The following MICAL3 variants were observed in gnomAD, a reference collection of about 807,000 sequenced individuals.
MICAL3 encodes [F-actin]-monooxygenase MICAL3.
Under a neutral mutation model 207.4 loss-of-function variants are expected in MICAL3, and 62 were observed. The observed-to-expected ratio is 0.30, with a 90% CI of 0.24 to 0.37. The LOEUF (loss-of-function observed/expected upper bound fraction) is 0.37. Among genes scored for constraint, MICAL3 ranks in the 10% least tolerant of loss-of-function variants. The pLI, the probability that MICAL3 is intolerant of heterozygous loss-of-function variation, is 1.00. For missense variants in MICAL3, 2,368 were observed against 2,635.6 expected (o/e 0.90, Z 2.22); for synonymous variants, 1,077 against 1,069.3 (o/e 1.01, Z -0.14).
intron 1 of MICAL3, among the ~76,000 whole-genome samples, chr22:17,935,740 A>T (rs929634688): frequency 1.3e-5 from 2 of 152,348 alleles, no homozygotes; most frequent in African/African-American, 4.8e-5. Flanking sequence ...CAAGAAAAAA[A>T]TAACCTCATC....
chr22:18,008,786 A>G (rs1047952105), intron 1 of MICAL3, among the ~76,000 whole-genome samples: 21 of 152,062 alleles, frequency 1.4e-4, no homozygotes, highest in African/African-American at 5.1e-4. Flanking sequence ...GGAAGAAGGA[A>G]ATTAAGATTG....
intron 1 of MICAL3, among the ~76,000 whole-genome samples, chr22:17,907,518 C>T (rs1262754735): frequency 3.3e-5 from 5 of 152,156 alleles, no homozygotes; most frequent in East Asian, 1.9e-4. Context: ...ACCGGGAAGT[C>T]GGTACAAATG....
intron 19 of MICAL3, chr22:17,858,563 T>C (rs1926177688): frequency 4.9e-6 from 3 of 609,544 alleles, no homozygotes; most frequent in Non-Finnish European, 6.2e-6. Flanking sequence ...CTATACGGCA[T>C]CATCCTGCCC....
intron 22 of MICAL3, among the ~76,000 whole-genome samples, chr22:17,824,703 C>T (rs866264297): frequency 1.3e-5 from 2 of 152,154 alleles, no homozygotes; most frequent in African/African-American, 4.8e-5. Context: ...GAGTGGCCCA[C>T]GTTGCTGGCC....
At chr22:17,879,375 G>A (rs758533983) in intron 16 of MICAL3, 64 of 1,612,032 alleles carry the variant, frequency 4.0e-5, no homozygotes, top group African/African-American at 1.7e-4. Flanking sequence ...TGCTTGCCAC[G>A]GTTGTCAGCA....
chr22:17,979,032 TG>T (rs1323656436), intron 1 of MICAL3, among the ~76,000 whole-genome samples: 1 of 150,344 alleles, frequency 6.7e-6, no homozygotes. Flanking sequence ...AAAACTTAGC[TG>T]GGTGTGGTGG....
chr22:17,801,615 T>C (rs115525676), intron 29 of MICAL3, among the ~76,000 whole-genome samples: 14,008 of 150,814 alleles, frequency 0.093, 1,802 homozygotes, highest in African/African-American at 0.29. Flanking sequence ...AGATGCGGGC[T>C]GGGCGCGGTG....
chr22:17,879,342 T>C (rs1350441403), intron 16 of MICAL3: 2 of 1,608,558 alleles, frequency 1.2e-6, no homozygotes, highest in Middle Eastern at 1.7e-4. Flanking sequence ...TCATGCTCTT[T>C]TACCCTCTCA....
chr22:17,901,665 G>A (rs1488610993), intron 5 of MICAL3, among the ~76,000 whole-genome samples: 1 of 152,102 alleles, frequency 6.6e-6, no homozygotes, highest in Non-Finnish European at 1.5e-5. Flanking sequence ...ACGAGACCCT[G>A]TCTCAAAAAT....
rs1182137961 is a variant in MICAL3, at chr22:17,900,238, C to T, written c.847+604G>A. On this transcript the variant is annotated intron_variant, in intron 6 of 31. Coordinates refer to ENST00000441493, the MANE Select transcript of MICAL3 (RefSeq NM_015241.3). This position sits in a 1 kb window ranked among gnomAD's most constrained non-coding sequence, Gnocchi z 4.0. ...AGCAGCTACACCAAGCAGCATGCCT[C>T]AGCATCACAGCACAGGGCAGGCATT... is the stretch of plus-strand genomic sequence containing the variant. Among the ~76,000 whole-genome samples the T allele has an allele frequency of 2.0e-5, 3 of 152,168 alleles. No homozygotes were observed. The highest frequency in any genetic ancestry group is 4.4e-5 in the Non-Finnish European group (3 of 68,036).
At chr22:17,842,324 G>A (rs981237553) in intron 19 of MICAL3, 1 of 354,914 alleles carries the variant, frequency 2.8e-6, no homozygotes, top group Admixed American at 4.0e-5. Flanking sequence ...GTGGTGAGGG[G>A]TGTGGGCCAG....
chr22:17,797,335 T>C (rs2061887193), intron 29 of MICAL3, among the ~76,000 whole-genome samples: 1 of 152,110 alleles, frequency 6.6e-6, no homozygotes, highest in African/African-American at 2.4e-5. Flanking sequence ...ACCCCGTCTC[T>C]ACAACAATTA....
chr22:17,883,000 C>G (rs1929572534), intron 16 of MICAL3, among the ~76,000 whole-genome samples: 1 of 152,170 alleles, frequency 6.6e-6, no homozygotes, highest in South Asian at 2.1e-4. Context: ...CCTGTTCCCC[C>G]ACTCGCCTAT....
intron 7 of MICAL3, among the ~76,000 whole-genome samples, chr22:17,898,847 G>T (rs570021589): frequency 6.6e-6 from 1 of 152,314 alleles, no homozygotes; most frequent in Admixed American, 6.5e-5. Context: ...GCTCAGACCT[G>T]TTCTGTGGTC....
intron 15 of MICAL3, among the ~76,000 whole-genome samples, 182 bp downstream of exon 15, chr22:17,886,988 C>CAAAAAAAAAAAAAAAAAAAAAAAGAAAAA (rs1929950457): frequency 2.4e-5 from 1 of 41,340 alleles, no homozygotes; most frequent in African/African-American, 7.7e-5. Flanking sequence ...ACTCTTGTCT[C>CAAAAAAAAAAAAAAAAAAAAAAAGAAAAA]AAAAAAAAAA....
chr22:17,865,309 G>A (rs1926970070), intron 18 of MICAL3, among the ~76,000 whole-genome samples: 1 of 152,138 alleles, frequency 6.6e-6, no homozygotes, highest in African/African-American at 2.4e-5. Context: ...GGCAACAGAA[G>A]CCCTCAAGGG....
In MICAL3 at chr22:17,807,084, T is replaced by C. The variant is rs139680725; in HGVS notation, c.5650+1760A>G. 1.9e-3 allele frequency among the ~76,000 whole-genome samples: 291 copies of C among 152,358 alleles called. 2 individuals are homozygous for C. The highest frequency in any genetic ancestry group is 5.7e-3 in the African/African-American group (239 of 41,588). On this transcript the variant is annotated intron_variant, in intron 29 of 31. Transcript: ENST00000441493. ...TCTTCTTCCTGAAGGGCTTAAACCATGAAATGCGGTTATTCTGTCTGTGTG... is the reference window on the plus strand; with the variant it reads ...TCTTCTTCCTGAAGGGCTTAAACCACGAAATGCGGTTATTCTGTCTGTGTG...
rs561423924 is a variant in MICAL3 at position 17,907,208 on chromosome 22, T to C, written c.-74-322A>G. Among the ~76,000 whole-genome samples the C allele has an allele frequency of 1.3e-4, 18 of 138,534 alleles. No homozygotes were observed. The East Asian group carries it at 3.8e-3, about 29-fold the overall frequency. 90.9% of individuals were successfully genotyped at this position (138,534 alleles called of 152,430 possible). A position where few individuals can be genotyped will look rare whatever the true frequency, so the allele number is the denominator to read the frequency against. ...CAGAGAAAGAGGATCTAAGTCACTA[T>C]TGGTGGTGAAGGGGGGGGGTCCCCA... On this transcript the variant is annotated intron_variant, in intron 1 of 31. Coordinates refer to ENST00000441493, the MANE Select transcript of MICAL3 (RefSeq NM_015241.3).
At chr22:17,977,482 G>C (rs1428120911) in intron 1 of MICAL3, among the ~76,000 whole-genome samples, 1 of 151,546 alleles carries the variant, frequency 6.6e-6, no homozygotes, top group African/African-American at 2.4e-5. Context: ...TTAGGGAAAT[G>C]CAAATCAAAC....
Sources: allele counts gnomAD v4.1 joint callset (sites outside exome capture counted in the v4.1 genomes callset), GRCh38; gene constraint gnomAD v4.1.1; non-coding constraint Gnocchi (gnomAD v3.1); transcripts MANE v1.5; gene names NCBI Gene and HGNC (gene_info 2026-07-23, HGNC 2026-07-21).